The following ZNF318 variants were observed in gnomAD, a reference collection of about 807,000 sequenced individuals.
ZNF318 encodes the protein zinc finger protein 318.
A neutral mutation model predicts 124.2 loss-of-function variants in ZNF318; 51 were observed. The ratio of observed to expected loss-of-function variants is 0.41; its 90% CI spans 0.33 to 0.52. ZNF318 has a LOEUF of 0.52. Among genes scored for constraint, ZNF318 ranks in the 20% least tolerant of loss-of-function variants. The probability of loss-of-function intolerance (pLI) is 0.23; values close to 1 mark genes in which losing one functional copy is unlikely to be tolerated. For missense variants in ZNF318, 2,815 were observed against 2,811.2 expected, an observed-to-expected ratio of 1.00 and a Z score of -0.03; for synonymous variants, 1,090 against 1,040.7, an observed-to-expected ratio of 1.05 and a Z score of -0.91.
intron 2 of ZNF318, 141 bp downstream of exon 2, chr6:43,365,151 G>A: frequency 2.5e-6 from 2 of 799,318 alleles, no homozygotes; most frequent in Non-Finnish European, 3.8e-6. Flanking sequence ...TTCTATCCCA[G>A]CGTTTTATTT....
intron 6 of ZNF318, among the ~76,000 whole-genome samples, chr6:43,345,500 C>T (rs1009386102): frequency 5.9e-5 from 9 of 152,080 alleles, no homozygotes; most frequent in African/African-American, 2.2e-4. Flanking sequence ...AAGACGCACC[C>T]AAATCAAGAT....
At chr6:43,365,582 A>G in intron 1 of ZNF318, 142 bp from the exon 2 acceptor site, 1 of 727,282 alleles carries the variant, frequency 1.4e-6, no homozygotes, top group South Asian at 1.9e-5. Flanking sequence ...TGAGGTGTAT[A>G]GGCCCAGGCA....
In ZNF318 at chr6:43,357,106, A is replaced by C; in HGVS notation, c.1188+20T>G. On this transcript the variant is annotated intron_variant, in intron 3 of 9. Coordinates refer to ENST00000361428, the MANE Select transcript of ZNF318 (RefSeq NM_014345.3). ...ATTAGGGAGACTAGCAAGAGGCCCT[A>C]CAAGAAATGCAGCAGAGACCTGCAT... The C allele has an allele frequency of 6.3e-7, 1 of 1,588,406 alleles. No homozygotes were observed. The highest frequency in any genetic ancestry group is 8.6e-7 in the Non-Finnish European group (1 of 1,168,318).
chr6:43,342,998 T>C, intron 6 of ZNF318, 119 bp from the exon 7 acceptor site: 1 of 820,516 alleles, frequency 1.2e-6, no homozygotes. Flanking sequence ...TTTCCAATGT[T>C]TAAAGCTGCA....
rs756569306 is a variant in ZNF318 at position 43,348,270 on chromosome 6, A to G, written c.3072+54T>C. Reference sequence around the variant, plus strand: ...AAGTTAAGAAAATGGTTAGAAAACCATAGGAGTCTAAGGGAAAAAAAAGAT... The same window carrying G: ...AAGTTAAGAAAATGGTTAGAAAACCGTAGGAGTCTAAGGGAAAAAAAAGAT... On this transcript the variant is annotated intron_variant, in intron 6 of 9. Coordinates refer to ENST00000361428, the MANE Select transcript of ZNF318 (RefSeq NM_014345.3). 383 of 1,510,624 alleles carry G rather than the reference A, an allele frequency of 2.5e-4. 2 individuals are homozygous for G. Among genetic ancestry groups the G allele is most frequent in the Non-Finnish European group, 2.8e-4 (317 of 1,119,072 alleles). The allele number at this position is 1,510,624 out of a possible 1,614,324, so 93.6% of individuals were successfully genotyped here. A position where few individuals can be genotyped will look rare whatever the true frequency, so the allele number is the denominator to read the frequency against.
chr6:43,368,124 T>G (rs1352342224), intron 1 of ZNF318, among the ~76,000 whole-genome samples: 4 of 152,200 alleles, frequency 2.6e-5, no homozygotes, highest in Non-Finnish European at 4.4e-5. Flanking sequence ...TGGTTATGGT[T>G]AAAGGTCAAC....
intron 5 of ZNF318, 106 bp from the exon 6 acceptor site, chr6:43,348,731 C>T (rs1034508077): frequency 7.5e-7 from 1 of 1,332,498 alleles, no homozygotes; most frequent in Middle Eastern, 2.1e-4. Context: ...AAAGTCTTTG[C>T]CCACAAACGT....
At position 43,337,537 on chromosome 6, in the gene ZNF318, T is replaced by C. The variant is rs908003553; in HGVS notation, c.6461A>G (p.Glu2154Gly). 22 of 1,614,134 alleles carry C rather than the reference T, an allele frequency of 1.4e-5. No homozygotes were observed. Among genetic ancestry groups the C allele is most frequent in the Non-Finnish European group, 1.9e-5 (22 of 1,180,012 alleles). The change falls in exon 10 of 10, where the codon GAA (glutamate) becomes GGA (glycine). Residue 2154 changes from glutamate (E) to glycine (G), a missense_variant. By Grantham distance (98) the Glu-to-Gly change is moderately conservative. Around this residue, in one of 4 missense-constraint regions of ZNF318, gnomAD observed 927 missense variants for 820.6 expected, o/e 1.13. Coordinates refer to ENST00000361428, the MANE Select transcript of ZNF318 (RefSeq NM_014345.3). ...QLDKQESLGL[E>G]LKTINSAGLG... ...GCCTGCAGAATTAATTGTTTTTAAT[T>C]CCAATCCGAGTGACTCTTGTTTGTC... is the stretch of plus-strand genomic sequence containing the variant.
In ZNF318 at chr6:43,340,097, G is replaced by A; in HGVS notation, c.3901C>T (p.Leu1301=). ...VTPSISKEEI[L]ESSKDKEDGK... is the part of the protein sequence containing the mutation. ...TCCTCTTTGTCCTTACTACTTTCTA[G>A]AATCTCTTCTTTAGAGATACTTGGG... The change falls in exon 10 of 10, where the codon CTA becomes TTA. Residue 1301 remains leucine, a synonymous_variant. Coordinates refer to ENST00000361428, the MANE Select transcript of ZNF318 (RefSeq NM_014345.3). 6.2e-7 allele frequency: 1 copy of A among 1,614,128 alleles called. No homozygotes were observed. The highest frequency in any genetic ancestry group is 1.1e-5 in the South Asian group (1 of 91,084).
Position 43,369,260 on chromosome 6 carries a change from C to A in ZNF318, c.106G>T (p.Ala36Ser). Residue 36 changes from alanine (A) to serine (S), a missense_variant, in exon 1 of 10, where the codon GCT becomes TCT. Coordinates refer to ENST00000361428, the MANE Select transcript of ZNF318 (RefSeq NM_014345.3). ...GRSSGSSSGP[A>S]RRSSPPPPPS... ...GGAGGCGGCGGTGAGCTGCGGCGAG[C>A]CGGGCCTGAGGAGGAGCCAGAGCTG... 1 of 1,277,870 alleles carries A rather than the reference C, an allele frequency of 7.8e-7. No homozygotes were observed. Among genetic ancestry groups the A allele is most frequent in the Non-Finnish European group, 9.9e-7 (1 of 1,010,420 alleles). 79.2% of individuals were successfully genotyped at this position (1,277,870 alleles called of 1,614,324 possible).
chr6:43,353,359 A>T (rs1779560332), intron 4 of ZNF318, among the ~76,000 whole-genome samples: 1 of 147,040 alleles, frequency 6.8e-6, no homozygotes, highest in African/African-American at 2.5e-5. Context: ...CTGGCCCTCT[A>T]ATTTTTTTCT....
intron 4 of ZNF318, 28 bp from the exon 5 acceptor site, chr6:43,352,504 C>A (rs1469556894): frequency 6.4e-7 from 1 of 1,570,030 alleles, no homozygotes; most frequent in Non-Finnish European, 8.8e-7. Flanking sequence ...GTAAGAGAGT[C>A]CATCTCCTCC....
At chr6:43,351,912 G>A (rs925217777) in intron 5 of ZNF318, among the ~76,000 whole-genome samples, 6 of 152,154 alleles carry the variant, frequency 3.9e-5, no homozygotes, top group South Asian at 2.1e-4. Context: ...AGGCTAAGGC[G>A]GGTGGATCAC....
Position 43,337,237 on chromosome 6 carries a change from A to G in ZNF318, c.6761T>C (p.Met2254Thr). ...PPREQVIEDN[M>T]VPQGMPEQET... is the part of the protein sequence containing the mutation. ...CTGTTCAGGCATTCCCTGAGGGACC[A>G]TATTGTCTTCAATTACCTGCTCCCT... The change falls in exon 10 of 10, where the codon ATG becomes ACG. Residue 2254 changes from methionine to threonine, a missense_variant. By Grantham distance (81) the Met-to-Thr change is moderately conservative. This residue lies in a region of ZNF318 where 927 missense variants were observed against 820.6 expected (regional missense o/e 1.13). Transcript: ENST00000361428. 1 of 1,614,144 alleles carries G rather than the reference A, an allele frequency of 6.2e-7. No individual in the cohort carries two copies. The highest frequency in any genetic ancestry group is 8.5e-7 in the Non-Finnish European group (1 of 1,180,016).
Position 43,358,076 on chromosome 6 carries a change from G to T in ZNF318, c.549-311C>A, listed in dbSNP as rs922687292. Among the ~76,000 whole-genome samples, 3 of 152,190 alleles carry T rather than the reference G, an allele frequency of 2.0e-5. No individual in the cohort carries two copies. In the East Asian group the frequency reaches 5.8e-4, roughly 29 times the overall value. On this transcript the variant is annotated intron_variant, in intron 2 of 9. Coordinates refer to ENST00000361428, the MANE Select transcript of ZNF318 (RefSeq NM_014345.3). Reference sequence around the variant, plus strand: ...AGCTAAATTCTAGCTCTTTGCTACTGAAAGTGTAGTGCGGACGAAACAGCA... The same window carrying T: ...AGCTAAATTCTAGCTCTTTGCTACTTAAAGTGTAGTGCGGACGAAACAGCA...
chr6:43,340,206 CTTT>C lies in ZNF318; in HGVS notation c.3789_3791del (p.Lys1265del). The C allele has an allele frequency of 6.2e-7, 1 of 1,614,194 alleles. No individual in the cohort carries two copies. The highest frequency in any genetic ancestry group is 8.5e-7 in the Non-Finnish European group (1 of 1,180,032). On this transcript the variant is annotated inframe_deletion, in exon 10 of 10. Transcript: ENST00000361428. ...AAGAAGATGATGTTGGTGATTCCTT[CTTT>C]ACCTCTTCTTTTAACTGGAGTTTGA...
At chr6:43,354,255 T>C (rs1435217629) in intron 4 of ZNF318, among the ~76,000 whole-genome samples, 1 of 152,228 alleles carries the variant, frequency 6.6e-6, no homozygotes, top group African/African-American at 2.4e-5. Flanking sequence ...CTTTAACTCA[T>C]AATCATTACA....
rs758656169 is a variant in ZNF318, at chr6:43,339,302, T to C, written c.4696A>G (p.Lys1566Glu). 6.2e-7 allele frequency: 1 copy of C among 1,614,096 alleles called. No homozygotes were observed. ...RNSCLATANA[K>E]DLYDIFYSSG... ...CTATAGAATATGTCATACAGGTCCT[T>C]AGCATTGGCTGTGGCTAAGCATGAA... The change falls in exon 10 of 10, where the codon AAG becomes GAG. Residue 1566 changes from lysine to glutamate, a missense_variant. Physicochemically the swap from Lys to Glu is moderately conservative, Grantham distance 56. Around this residue, in one of 4 missense-constraint regions of ZNF318, gnomAD observed 11 missense variants for 31.9 expected, o/e 0.35. Transcript: ENST00000361428. This position sits in a 1 kb window ranked among gnomAD's most constrained non-coding sequence, Gnocchi z 4.2.
Position 43,368,970 on chromosome 6 carries a change from G to A in ZNF318, c.396C>T (p.Ser132=). 7.1e-7 allele frequency: 1 copy of A among 1,416,232 alleles called. No homozygotes were observed. The highest frequency in any genetic ancestry group is 2.0e-4 in the Middle Eastern group (1 of 4,912). The allele number at this position is 1,416,232 out of a possible 1,614,324, so 87.7% of individuals were successfully genotyped here. A position where few individuals can be genotyped will look rare whatever the true frequency, so the allele number is the denominator to read the frequency against. ...CCTGGACGAGGGGTGGGATTACCCG[G>A]CTGCCGCTGTCGCCTGGATGGTCTC... ...GRGDHPGDSG[S]RRRSPGLCSD... is the part of the protein sequence containing the mutation. Residue 132 remains serine (S), a synonymous_variant, in exon 1 of 10, where the codon AGC becomes AGT. Coordinates refer to ENST00000361428, the MANE Select transcript of ZNF318 (RefSeq NM_014345.3).
Sources: gnomAD v4.1 joint callset for allele counts (sites outside exome capture counted in the v4.1 genomes callset) on GRCh38, gnomAD v4.1.1 for gene constraint, gnomAD v4.1.1 regional missense constraint, Gnocchi (gnomAD v3.1) non-coding constraint, MANE v1.5 for transcripts, NCBI Gene and HGNC (gene_info 2026-07-23, HGNC 2026-07-21) for gene names.